Variants in CSGALNACT1 observed in about 807,000 individuals in gnomAD.
CSGALNACT1 encodes the protein chondroitin sulfate N-acetylgalactosaminyltransferase 1.
Under a neutral mutation model 51.0 loss-of-function variants are expected in CSGALNACT1, and 52 were observed. That is an observed-to-expected ratio of 1.02 (90% CI 0.82 to 1.29). CSGALNACT1 has a LOEUF of 1.29. CSGALNACT1 is among the 50% of genes most tolerant of loss of function. CSGALNACT1 has a pLI of 0.00. For synonymous variants in CSGALNACT1, 341 were observed against 254.4 expected, an observed-to-expected ratio of 1.34 and a Z score of -3.24; for missense variants, 935 against 679.2, an observed-to-expected ratio of 1.38 and a Z score of -4.19.
At chr8:19,540,744 G>T (rs1413356022) in intron 3 of CSGALNACT1, among the ~76,000 whole-genome samples, 1 of 152,092 alleles carries the variant, frequency 6.6e-6, no homozygotes. Context: ...CTTGCCTGGA[G>T]AGCTTTGTTC....
At chr8:19,670,295 G>C (rs150211731) in intron 1 of CSGALNACT1, among the ~76,000 whole-genome samples, 92 of 152,158 alleles carry the variant, frequency 6.0e-4, no homozygotes, top group African/African-American at 2.2e-3. Context: ...AGCTTTTGTG[G>C]AATTGAATAA....
At chr8:19,740,524 T>C (rs2064247958) in intron 1 of CSGALNACT1, among the ~76,000 whole-genome samples, 1 of 152,192 alleles carries the variant, frequency 6.6e-6, no homozygotes. Flanking sequence ...GTGAGGAGGA[T>C]TTTCAAGAGC....
intron 1 of CSGALNACT1, among the ~76,000 whole-genome samples, chr8:19,639,158 A>T (rs1008627431): frequency 2.6e-5 from 4 of 152,172 alleles, no homozygotes; most frequent in Admixed American, 2.6e-4. Flanking sequence ...CCTGTAATGA[A>T]AATGTTCTAC....
Position 19,561,572 on chromosome 8 carries a change from C to T in CSGALNACT1, c.-297+29588G>A, listed in dbSNP as rs367552475. Among the ~76,000 whole-genome samples the T allele has an allele frequency of 2.8e-4, 42 of 152,346 alleles. 1 individual carries two copies. Among genetic ancestry groups the T allele is most frequent in the Admixed American group, 7.2e-4 (11 of 15,306 alleles). On this transcript the variant is annotated intron_variant, in intron 3 of 9. Coordinates refer to ENST00000454498, the Ensembl canonical transcript of CSGALNACT1. ...TGTGGCTTATACCTGCTGCTAAAGGCGGCCTTGGCCTGTCCTGCAGCAGGT... is the reference window on the plus strand; with the variant it reads ...TGTGGCTTATACCTGCTGCTAAAGGTGGCCTTGGCCTGTCCTGCAGCAGGT...
chr8:19,720,692 C>G (rs975896367), intron 1 of CSGALNACT1, among the ~76,000 whole-genome samples: 8 of 152,188 alleles, frequency 5.3e-5, no homozygotes, highest in Non-Finnish European at 1.0e-4. Context: ...CCTCTACCTC[C>G]CATCCACTTG....
chr8:19,702,395 C>A (rs1442384716), intron 1 of CSGALNACT1, among the ~76,000 whole-genome samples: 2 of 151,970 alleles, frequency 1.3e-5, no homozygotes, highest in African/African-American at 2.4e-5. Flanking sequence ...ACCTGTAGTC[C>A]CAGCTACTTG....
chr8:19,657,393 G>T (rs540566721), intron 1 of CSGALNACT1, among the ~76,000 whole-genome samples: 1 of 152,314 alleles, frequency 6.6e-6, no homozygotes, highest in East Asian at 1.9e-4. Flanking sequence ...GGCAAGATGT[G>T]AAGAAATAAT....
At chr8:19,667,012 A>AG (rs2059378504) in intron 1 of CSGALNACT1, among the ~76,000 whole-genome samples, 2 of 34,398 alleles carry the variant, frequency 5.8e-5, no homozygotes, top group Non-Finnish European at 1.0e-4. Flanking sequence ...AGAAAGAAAG[A>AG]AAGAAAGGAA....
chr8:19,511,693 G>C (rs927629720), intron 3 of CSGALNACT1, among the ~76,000 whole-genome samples: 7 of 152,124 alleles, frequency 4.6e-5, no homozygotes, highest in Admixed American at 3.9e-4. Flanking sequence ...CTGGGGTCTT[G>C]ATGTGAGTGA....
chr8:19,459,933 T>C (rs937122727), intron 4 of CSGALNACT1, among the ~76,000 whole-genome samples: 2 of 152,146 alleles, frequency 1.3e-5, no homozygotes, highest in African/African-American at 2.4e-5. Flanking sequence ...ACTTGTCAGG[T>C]TGAAGATATG....
chr8:19,456,945 C>A (rs2064231109), intron 5 of CSGALNACT1, among the ~76,000 whole-genome samples: 1 of 152,136 alleles, frequency 6.6e-6, no homozygotes, highest in African/African-American at 2.4e-5. Flanking sequence ...CTTGTTCAGT[C>A]CTCCAGAGGC....
At chr8:19,559,379 C>T (rs2040197104) in intron 3 of CSGALNACT1, among the ~76,000 whole-genome samples, 1 of 152,152 alleles carries the variant, frequency 6.6e-6, no homozygotes, top group Admixed American at 6.5e-5. Flanking sequence ...AAACATCATA[C>T]TTAAATGCTG....
At chr8:19,478,127 T>C (rs1235526738) in intron 4 of CSGALNACT1, among the ~76,000 whole-genome samples, 3 of 122,058 alleles carry the variant, frequency 2.5e-5, no homozygotes, top group African/African-American at 2.6e-5. Context: ...AAAATACTCA[T>C]GTCTGGGCCG....
At chr8:19,752,275 C>G (rs1372204924) in intron 1 of CSGALNACT1, among the ~76,000 whole-genome samples, 1 of 151,286 alleles carries the variant, frequency 6.6e-6, no homozygotes, top group African/African-American at 2.4e-5. Flanking sequence ...GTTCTAACCA[C>G]TTTTACAGAC....
chr8:19,407,615 C>A (rs1173946928), intron 9 of CSGALNACT1, among the ~76,000 whole-genome samples: 1 of 152,274 alleles, frequency 6.6e-6, no homozygotes, highest in South Asian at 2.1e-4. Flanking sequence ...CTCTTACCTG[C>A]TGTGAGGCCT....
At chr8:19,457,625 AT>A (rs1177208641) in intron 5 of CSGALNACT1, 4 of 1,261,092 alleles carry the variant, frequency 3.2e-6, no homozygotes, top group Non-Finnish European at 4.2e-6. Flanking sequence ...AAAAAAAGAA[AT>A]AAAAAATCAG....
intron 4 of CSGALNACT1, among the ~76,000 whole-genome samples, chr8:19,488,448 C>G (rs943635773): frequency 6.9e-6 from 1 of 144,014 alleles, no homozygotes; most frequent in African/African-American, 2.5e-5. Context: ...GTAAAGAGCC[C>G]TTCTTCACTG....
Position 19,500,796 on chromosome 8 carries a change from A to C in CSGALNACT1, c.634+4405T>G, listed in dbSNP as rs111476042. On this transcript the variant is annotated intron_variant, in intron 4 of 9. Transcript: ENST00000454498. ...CTCTTAGTCCATTGTGTGCTGCTATAAACTACCTGGGGCTGGGTTATTTAC... is the reference window on the plus strand; with the variant it reads ...CTCTTAGTCCATTGTGTGCTGCTATCAACTACCTGGGGCTGGGTTATTTAC... 5.0e-3 allele frequency among the ~76,000 whole-genome samples: 757 copies of C among 152,288 alleles called. 4 individuals are homozygous for C. The highest frequency in any genetic ancestry group is 0.017 in the African/African-American group (716 of 41,566).
At chr8:19,484,409 C>T (rs556053186) in intron 4 of CSGALNACT1, among the ~76,000 whole-genome samples, 35 of 152,234 alleles carry the variant, frequency 2.3e-4, no homozygotes, top group African/African-American at 7.9e-4. Context: ...GGGTAGACTA[C>T]AGTAAGAAAT....
Sources: allele counts gnomAD v4.1 joint callset (sites outside exome capture counted in the v4.1 genomes callset), GRCh38; gene constraint gnomAD v4.1.1; transcripts MANE v1.5; gene names NCBI Gene and HGNC (gene_info 2026-07-23, HGNC 2026-07-21).